TLE4: variants seen among roughly 807,000 people sequenced by gnomAD.
TLE4 encodes TLE family member 4, transcriptional corepressor, also known as transducin-like enhancer protein 4.
Under a neutral mutation model 92.8 loss-of-function variants are expected in TLE4, and 8 were observed. That is an observed-to-expected ratio of 0.09 (90% CI 0.05 to 0.16). TLE4 has a LOEUF of 0.16. Among genes scored for constraint, TLE4 ranks in the 10% least tolerant of loss-of-function variants. The pLI is 1.00. For missense variants in TLE4, 675 were observed against 997.6 expected (o/e 0.68, Z 4.36); for synonymous variants, 371 against 374.1 (o/e 0.99, Z 0.10).
chr9:79,582,700 G>T (rs370636898), intron 4 of TLE4, among the ~76,000 whole-genome samples: 1 of 143,664 alleles, frequency 7.0e-6, no homozygotes, highest in East Asian at 2.1e-4. Flanking sequence ...CTTCTGGACA[G>T]CAATAATGTA....
At chr9:79,697,337 C>G (rs1183237607) in intron 8 of TLE4, among the ~76,000 whole-genome samples, 1 of 152,140 alleles carries the variant, frequency 6.6e-6, no homozygotes, top group Non-Finnish European at 1.5e-5. Flanking sequence ...CATGCCATCT[C>G]TAATGATCAG....
At chr9:79,650,771 T>G (rs1223354114) in intron 6 of TLE4, among the ~76,000 whole-genome samples, 1 of 152,116 alleles carries the variant, frequency 6.6e-6, no homozygotes, top group African/African-American at 2.4e-5. Context: ...TTCCATTTTC[T>G]GCTTGTAAAC....
intron 5 of TLE4, among the ~76,000 whole-genome samples, chr9:79,613,833 A>C (rs1291386264): frequency 6.6e-6 from 1 of 152,116 alleles, no homozygotes; most frequent in Non-Finnish European, 1.5e-5. Flanking sequence ...GTTAGACTTG[A>C]GTAACTATGG....
intron 19 of TLE4, 111 bp from the exon 20 acceptor site, chr9:79,724,926 G>C (rs1034700522): frequency 3.1e-6 from 2 of 650,792 alleles, no homozygotes; most frequent in South Asian, 1.5e-5. Context: ...CCTTGACTGG[G>C]CTTTCTGTTT....
chr9:79,684,758 T>A (rs907459603), intron 8 of TLE4, among the ~76,000 whole-genome samples: 16 of 152,198 alleles, frequency 1.1e-4, no homozygotes, highest in Admixed American at 2.0e-4. Flanking sequence ...CTTGTTCTTT[T>A]GGCACTAGTC....
chr9:79,587,193 AT>A (rs1173785320), intron 4 of TLE4, among the ~76,000 whole-genome samples: 4 of 152,184 alleles, frequency 2.6e-5, no homozygotes, highest in Admixed American at 1.3e-4. Context: ...GAGTGGTTTA[AT>A]TTTTTCATTT....
chr9:79,710,018 T>C (rs2072832348), intron 14 of TLE4, among the ~76,000 whole-genome samples: 1 of 152,238 alleles, frequency 6.6e-6, no homozygotes, highest in African/African-American at 2.4e-5. Context: ...CAAACCTGAA[T>C]GTTCAAAATT....
chr9:79,608,015 G>A (rs1445906988), intron 4 of TLE4, among the ~76,000 whole-genome samples: 3 of 151,980 alleles, frequency 2.0e-5, no homozygotes. Context: ...CATGTCATCT[G>A]CAAACAGAGA....
intron 4 of TLE4, among the ~76,000 whole-genome samples, chr9:79,591,153 T>C (rs2042441453): frequency 6.6e-6 from 1 of 152,150 alleles, no homozygotes; most frequent in Admixed American, 6.5e-5. Flanking sequence ...TGGACCACTG[T>C]AAAAAATATA....
chr9:79,705,141 A>T (rs1308526187), intron 9 of TLE4, among the ~76,000 whole-genome samples: 1 of 152,222 alleles, frequency 6.6e-6, no homozygotes, highest in Non-Finnish European at 1.5e-5. Context: ...TGGATGATCC[A>T]TATTATTGTT....
chr9:79,584,965 C>T (rs1046907213), intron 4 of TLE4, among the ~76,000 whole-genome samples: 4 of 152,094 alleles, frequency 2.6e-5, no homozygotes, highest in African/African-American at 9.7e-5. Context: ...CTGAATAATT[C>T]TTTTACTATT....
At chr9:79,611,838 T>TA (rs1272141411) in intron 4 of TLE4, among the ~76,000 whole-genome samples, 1 of 146,154 alleles carries the variant, frequency 6.8e-6, no homozygotes, top group Non-Finnish European at 1.5e-5. Flanking sequence ...TCTTTTAACT[T>TA]ACTGTAGCAT....
chr9:79,661,138 A>G (rs1325414173), intron 8 of TLE4, among the ~76,000 whole-genome samples: 1 of 152,248 alleles, frequency 6.6e-6, no homozygotes, highest in Non-Finnish European at 1.5e-5. Flanking sequence ...TTAAGTTTTA[A>G]TAGTTGACGC....
chr9:79,575,359 A>G (rs1300213484), intron 3 of TLE4, among the ~76,000 whole-genome samples: 1 of 152,206 alleles, frequency 6.6e-6, no homozygotes, highest in African/African-American at 2.4e-5. Context: ...TTATTAAAAA[A>G]TAATGTTTTA....
At chr9:79,575,184 T>C (rs1370541834) in intron 3 of TLE4, among the ~76,000 whole-genome samples, 1 of 152,176 alleles carries the variant, frequency 6.6e-6, no homozygotes, top group African/African-American at 2.4e-5. Context: ...GCTTTGTTTT[T>C]ACAGATCGAA....
At chr9:79,642,090 C>T (rs1308781579) in intron 6 of TLE4, among the ~76,000 whole-genome samples, 1 of 151,886 alleles carries the variant, frequency 6.6e-6, no homozygotes, top group African/African-American at 2.4e-5. Context: ...TAGACACACA[C>T]ACAGAAATTG....
chr9:79,662,252 A>G (rs977975686), intron 8 of TLE4, among the ~76,000 whole-genome samples: 1 of 152,166 alleles, frequency 6.6e-6, no homozygotes, highest in South Asian at 2.1e-4. Context: ...ATCCTGAAGG[A>G]TTCTTGAATC....
Position 79,706,786 on chromosome 9 carries a change from A to G in TLE4, c.823A>G (p.Arg275Gly). 1 of 1,614,116 alleles carries G rather than the reference A, an allele frequency of 6.2e-7. No homozygotes were observed. The highest frequency in any genetic ancestry group is 8.5e-7 in the Non-Finnish European group (1 of 1,180,006). Residue 275 changes from arginine to glycine, a missense_variant, in exon 11 of 20, where the codon AGA becomes GGA. Transcript: ENST00000376552. ...SPRGSPAHSP[R>G]ENGLDKTRLL... ...TCGAGGGAGCCCAGCACATTCCCCCAGAGAGAATGGCCTAGACAAGACACG... is the reference window on the plus strand; with the variant it reads ...TCGAGGGAGCCCAGCACATTCCCCCGGAGAGAATGGCCTAGACAAGACACG...
At chr9:79,599,285 T>TCAATAAAAAATTTTCCAC (rs2044943412) in intron 4 of TLE4, among the ~76,000 whole-genome samples, 1 of 152,224 alleles carries the variant, frequency 6.6e-6, no homozygotes, top group African/African-American at 2.4e-5. Flanking sequence ...TTTTCCACTC[T>TCAATAAAAAATTTTCCAC]ATTTTTTATT....
Sources: gnomAD v4.1 joint callset for allele counts (sites outside exome capture counted in the v4.1 genomes callset) on GRCh38, gnomAD v4.1.1 for gene constraint, MANE v1.5 for transcripts, NCBI Gene and HGNC (gene_info 2026-07-23, HGNC 2026-07-21) for gene names.